LRRC4C: variants seen among roughly 807,000 people sequenced by gnomAD.
LRRC4C encodes the protein leucine-rich repeat-containing protein 4C.
Under a neutral mutation model 33.6 loss-of-function variants are expected in LRRC4C, and 5 were observed. The observed-to-expected ratio is 0.15, with a 90% CI of 0.08 to 0.31. LRRC4C has a LOEUF of 0.31. Ranked by LOEUF, LRRC4C falls within the 10% of genes least tolerant of loss-of-function variation. The pLI is 1.00. For synonymous variants in LRRC4C, 329 were observed against 302.0 expected, an observed-to-expected ratio of 1.09 and a Z score of -0.93; for missense variants, 560 against 796.7, an observed-to-expected ratio of 0.70 and a Z score of 3.58.
At chr11:41,254,022 A>C (rs1351358506) in intron 1 of LRRC4C, among the ~76,000 whole-genome samples, 6 of 152,064 alleles carry the variant, frequency 3.9e-5, no homozygotes, top group Middle Eastern at 3.2e-3. Flanking sequence ...TATAGGGCCC[A>C]CTCAGTTTCC....
intron 3 of LRRC4C, among the ~76,000 whole-genome samples, chr11:40,465,867 A>T (rs1194980533): frequency 6.6e-6 from 1 of 152,032 alleles, no homozygotes; most frequent in African/African-American, 2.4e-5. Flanking sequence ...CAGTGTGGAG[A>T]TTTCTCAAAG....
intron 3 of LRRC4C, among the ~76,000 whole-genome samples, chr11:40,633,376 TC>T (rs1156328615): frequency 1.8e-3 from 121 of 66,692 alleles, no homozygotes; most frequent in Admixed American, 2.8e-3. Context: ...TTTCTTTCTC[TC>T]TCTTTCTTTC....
At chr11:40,459,123 C>T (rs1195887728) in intron 3 of LRRC4C, among the ~76,000 whole-genome samples, 2 of 152,126 alleles carry the variant, frequency 1.3e-5, no homozygotes, top group Admixed American at 6.6e-5. Context: ...CTACTGAGTA[C>T]TTTCTAATGA....
At chr11:41,082,425 CG>C (rs1939644759) in intron 1 of LRRC4C, among the ~76,000 whole-genome samples, 1 of 130,946 alleles carries the variant, frequency 7.6e-6, no homozygotes, top group Admixed American at 9.1e-5. Context: ...TCAAATCTCA[CG>C]CTTTTTTTTT....
chr11:40,876,936 G>T (rs950737989), intron 2 of LRRC4C, among the ~76,000 whole-genome samples: 2 of 149,658 alleles, frequency 1.3e-5, no homozygotes, highest in African/African-American at 4.9e-5. Context: ...CTTGATAGCA[G>T]CTCTCATAAC....
intron 2 of LRRC4C, among the ~76,000 whole-genome samples, chr11:40,828,729 AT>A (rs150769690): frequency 0.048 from 7,360 of 151,824 alleles, 447 homozygotes; most frequent in African/African-American, 0.14. Context: ...CCTCTCTAGG[AT>A]TTCATTTCCT....
chr11:40,310,460 A>C (rs938478635), intron 4 of LRRC4C, among the ~76,000 whole-genome samples: 5 of 152,204 alleles, frequency 3.3e-5, no homozygotes, highest in Non-Finnish European at 1.5e-5. Flanking sequence ...TATAGGCTAT[A>C]GTAACATCAA....
At position 41,115,722 on chromosome 11, in the gene LRRC4C, A is replaced by T. The variant is rs1041366422; in HGVS notation, c.-495-181999T>A. Among the ~76,000 whole-genome samples, 4 of 151,982 alleles carry T rather than the reference A, an allele frequency of 2.6e-5. 1 individual carries two copies. Among genetic ancestry groups the T allele is most frequent in the African/African-American group, 9.7e-5 (4 of 41,406 alleles). ...GAGATCCACTTTGACGCTCATTTCT[A>T]AGTTCTCTAAAGGTAATCAGGATCT... On this transcript the variant is annotated intron_variant, in intron 1 of 6. Transcript: ENST00000528697.
intron 1 of LRRC4C, among the ~76,000 whole-genome samples, chr11:41,344,300 C>A (rs930131707): frequency 6.8e-6 from 1 of 146,494 alleles, no homozygotes; most frequent in Non-Finnish European, 1.5e-5. Flanking sequence ...AGTCTCTGCT[C>A]GCTGCAACCT....
chr11:41,303,095 C>T (rs1950331393), intron 1 of LRRC4C, among the ~76,000 whole-genome samples: 1 of 145,568 alleles, frequency 6.9e-6, no homozygotes, highest in Admixed American at 6.8e-5. Context: ...CTCCCTCTCC[C>T]TCTCCCTCTC....
At position 40,185,051 on chromosome 11, in the gene LRRC4C, T is replaced by C. The variant is rs371037686; in HGVS notation, c.-95-44198A>G. Among the ~76,000 whole-genome samples the C allele has an allele frequency of 1.2e-4, 18 of 152,316 alleles. No homozygotes were observed. The East Asian group carries it at 2.9e-3, about 25-fold the overall frequency. ...GGAAACCATCAGTAAGAATCTGTTA[T>C]CAGCTAACACCTTGGTTGACAGCCA... On this transcript the variant is annotated intron_variant, in intron 5 of 6. Coordinates refer to ENST00000528697, the MANE Select transcript of LRRC4C (RefSeq NM_001258419.2).
intron 3 of LRRC4C, among the ~76,000 whole-genome samples, chr11:40,532,573 C>T (rs1435871364): frequency 6.6e-6 from 1 of 151,656 alleles, no homozygotes; most frequent in Non-Finnish European, 1.5e-5. Flanking sequence ...GACCACAATT[C>T]AGAGACACAG....
intron 3 of LRRC4C, among the ~76,000 whole-genome samples, chr11:40,405,786 T>C (rs1949944414): frequency 6.6e-6 from 1 of 151,210 alleles, no homozygotes. Context: ...TCCTCACTTT[T>C]CCCACAGGTT....
At chr11:40,938,427 A>G (rs1592139421) in intron 1 of LRRC4C, among the ~76,000 whole-genome samples, 1 of 152,178 alleles carries the variant, frequency 6.6e-6, no homozygotes, top group East Asian at 1.9e-4. Context: ...GACATTGTAC[A>G]AACAACAACA....
At chr11:40,124,411 C>G (rs1440950979) in intron 6 of LRRC4C, among the ~76,000 whole-genome samples, 5 of 152,152 alleles carry the variant, frequency 3.3e-5, no homozygotes, top group African/African-American at 1.2e-4. Context: ...ACCTAAGTGT[C>G]CATCAACAGA....
At chr11:40,374,080 T>C (rs116351755) in intron 3 of LRRC4C, among the ~76,000 whole-genome samples, 1 of 152,184 alleles carries the variant, frequency 6.6e-6, no homozygotes, top group South Asian at 2.1e-4. Context: ...TTAAAAAGTT[T>C]AACAACAACA....
intron 1 of LRRC4C, among the ~76,000 whole-genome samples, chr11:41,105,450 A>G (rs1482178621): frequency 6.6e-6 from 1 of 152,052 alleles, no homozygotes; most frequent in Non-Finnish European, 1.5e-5. Context: ...TCTTTAGTCT[A>G]TAAGCTCTCC....
chr11:40,124,135 C>T (rs1408970131), intron 6 of LRRC4C, among the ~76,000 whole-genome samples: 1 of 152,076 alleles, frequency 6.6e-6, no homozygotes, highest in South Asian at 2.1e-4. Flanking sequence ...TCATCTCACT[C>T]AAGTTAAAAG....
intron 1 of LRRC4C, among the ~76,000 whole-genome samples, chr11:41,404,755 T>C (rs1313509259): frequency 1.3e-5 from 2 of 152,002 alleles, no homozygotes; most frequent in Non-Finnish European, 1.5e-5. Context: ...ATTAAGTTAG[T>C]CATAGGATAT....
Sources: allele counts gnomAD v4.1 joint callset (sites outside exome capture counted in the v4.1 genomes callset), GRCh38; gene constraint gnomAD v4.1.1; transcripts MANE v1.5; gene names NCBI Gene and HGNC (gene_info 2026-07-23, HGNC 2026-07-21).